GPHN: variants seen among roughly 807,000 people sequenced by gnomAD.
GPHN encodes gephyrin.
GPHN carries 17 observed loss-of-function variants against 95.5 expected under a neutral mutation model. The ratio of observed to expected loss-of-function variants is 0.18; its 90% CI spans 0.12 to 0.27. GPHN has a LOEUF of 0.27. Among genes scored for constraint, GPHN ranks in the 10% least tolerant of loss-of-function variants. The pLI is 1.00. For missense variants in GPHN, 660 were observed against 978.1 expected, an observed-to-expected ratio of 0.67 and a Z score of 4.34; for synonymous variants, 320 against 322.5, an observed-to-expected ratio of 0.99 and a Z score of 0.08.
At chr14:66,834,049 C>G (rs2061691606) in intron 4 of GPHN, among the ~76,000 whole-genome samples, 2 of 152,122 alleles carry the variant, frequency 1.3e-5, no homozygotes, top group Admixed American at 6.6e-5. Flanking sequence ...TTAGACAACT[C>G]TACTTGTTTG....
chr14:66,952,795 A>G (rs1427019888), intron 8 of GPHN, among the ~76,000 whole-genome samples: 1 of 152,066 alleles, frequency 6.6e-6, no homozygotes, highest in African/African-American at 2.4e-5. Context: ...CCCGGGTTCA[A>G]GTGATTCTCC....
the GPHN span, among the ~76,000 whole-genome samples, chr14:67,400,596 TA>T: frequency 2.6e-5 from 4 of 152,030 alleles, no homozygotes; most frequent in East Asian, 7.7e-4. Context: ...TCCAAGGCAG[TA>T]AACTGCTGGC....
chr14:67,697,330 G>T, the GPHN span, among the ~76,000 whole-genome samples: 3 of 152,188 alleles, frequency 2.0e-5, no homozygotes, highest in Non-Finnish European at 2.9e-5. Context: ...TTTGAGCGGA[G>T]GCCAGAGGGA....
chr14:67,012,449 C>T (rs1051944507), intron 9 of GPHN, among the ~76,000 whole-genome samples: 2 of 152,136 alleles, frequency 1.3e-5, no homozygotes, highest in Non-Finnish European at 2.9e-5. Flanking sequence ...TAAGTCTGAA[C>T]ACCCGTGTGT....
intron 2 of GPHN, among the ~76,000 whole-genome samples, chr14:66,684,839 G>A (rs915859409): frequency 6.6e-6 from 1 of 151,844 alleles, no homozygotes; most frequent in Non-Finnish European, 1.5e-5. Context: ...CCATGTTGGT[G>A]TGCTGCACTC....
At chr14:66,570,542 G>A (rs779788401) in intron 1 of GPHN, among the ~76,000 whole-genome samples, 1 of 151,904 alleles carries the variant, frequency 6.6e-6, no homozygotes, top group African/African-American at 2.4e-5. Context: ...CTGATCTCAG[G>A]CGATCCACCT....
chr14:66,584,569 T>C (rs200133791), intron 1 of GPHN, among the ~76,000 whole-genome samples: 1 of 152,008 alleles, frequency 6.6e-6, no homozygotes, highest in Non-Finnish European at 1.5e-5. Context: ...CCCATCAATA[T>C]CTAATTTATT....
chr14:66,526,306 G>A (rs566493927), intron 1 of GPHN, among the ~76,000 whole-genome samples: 74 of 152,314 alleles, frequency 4.9e-4, no homozygotes, highest in African/African-American at 1.7e-3. Context: ...GTATAGGAAT[G>A]TTTGTGATTT....
At chr14:67,657,380 A>G in the GPHN span, among the ~76,000 whole-genome samples, 1 of 152,212 alleles carries the variant, frequency 6.6e-6, no homozygotes, top group African/African-American at 2.4e-5. Context: ...ATTTGGTCTC[A>G]GGGAAATTAG....
chr14:66,940,230 G>GTA (rs1555446705), intron 8 of GPHN, among the ~76,000 whole-genome samples: 1 of 144,868 alleles, frequency 6.9e-6, no homozygotes, highest in Non-Finnish European at 1.5e-5. Context: ...AAGGAAAAAG[G>GTA]AAAAAAAAAA....
At chr14:66,930,031 G>A (rs2066702684) in intron 8 of GPHN, among the ~76,000 whole-genome samples, 1 of 152,148 alleles carries the variant, frequency 6.6e-6, no homozygotes, top group Non-Finnish European at 1.5e-5. Flanking sequence ...GTTTTTATAA[G>A]TGAAGTGTGT....
rs553669445 is a variant in GPHN at position 66,965,175 on chromosome 14, T to C, written c.829-16T>C. ...CATTTTCAGAATATTAAACCATAGTTGTTCCCCTTGTTCAGATTCCAGACT... is the reference window on the plus strand; with the variant it reads ...CATTTTCAGAATATTAAACCATAGTCGTTCCCCTTGTTCAGATTCCAGACT... On this transcript the variant is annotated splice_polypyrimidine_tract_variant and intron_variant, in intron 8 of 22. Transcript: ENST00000478722. 3 of 1,607,444 alleles carry C rather than the reference T, an allele frequency of 1.9e-6. No homozygotes were observed. The highest frequency in any genetic ancestry group is 1.7e-5 in the Admixed American group (1 of 59,958).
At chr14:66,666,036 G>A (rs2065931767) in intron 1 of GPHN, among the ~76,000 whole-genome samples, 1 of 150,586 alleles carries the variant, frequency 6.6e-6, no homozygotes, top group Non-Finnish European at 1.5e-5. Flanking sequence ...TCACTCATAG[G>A]TGGGAATTGA....
At chr14:66,529,841 C>A (rs1258939409) in intron 1 of GPHN, among the ~76,000 whole-genome samples, 1 of 152,308 alleles carries the variant, frequency 6.6e-6, no homozygotes. Flanking sequence ...CCTCTGGAAG[C>A]TTCATCCCAG....
chr14:66,884,311 A>G (rs1050599084), intron 5 of GPHN, among the ~76,000 whole-genome samples: 20 of 152,058 alleles, frequency 1.3e-4, no homozygotes, highest in Non-Finnish European at 7.4e-5. Context: ...TATTATTTAC[A>G]TTAAACGTCA....
chr14:66,892,699 G>A (rs2064581451), intron 5 of GPHN, among the ~76,000 whole-genome samples: 2 of 152,128 alleles, frequency 1.3e-5, no homozygotes, highest in African/African-American at 2.4e-5. Context: ...CTTACATGAA[G>A]TATCTAGAAT....
chr14:66,739,198 A>T (rs896346740), intron 2 of GPHN, among the ~76,000 whole-genome samples: 1 of 150,266 alleles, frequency 6.7e-6, no homozygotes, highest in African/African-American at 2.5e-5. Context: ...GTATAAAAAA[A>T]TTTACATTTT....
the GPHN span, among the ~76,000 whole-genome samples, chr14:67,603,252 T>C: frequency 2.0e-5 from 3 of 152,194 alleles, no homozygotes; most frequent in Admixed American, 2.0e-4. Context: ...GCATATTTTG[T>C]AGAAATGGCA....
At chr14:66,582,228 G>A (rs1268539909) in intron 1 of GPHN, among the ~76,000 whole-genome samples, 1 of 151,894 alleles carries the variant, frequency 6.6e-6, no homozygotes, top group Non-Finnish European at 1.5e-5. Context: ...ATAACAGAAG[G>A]AATATTGCAA....
Sources: allele counts gnomAD v4.1 joint callset (sites outside exome capture counted in the v4.1 genomes callset), GRCh38; gene constraint gnomAD v4.1.1; transcripts MANE v1.5; gene names NCBI Gene and HGNC (gene_info 2026-07-23, HGNC 2026-07-21).